The following ANO4 variants were observed in gnomAD, a reference collection of about 807,000 sequenced individuals.
ANO4 encodes the protein anoctamin 4.
Under a neutral mutation model 141.9 loss-of-function variants are expected in ANO4, and 69 were observed. The observed-to-expected ratio is 0.49, with a 90% CI of 0.40 to 0.59. ANO4 has a LOEUF of 0.59. Among genes scored for constraint, ANO4 ranks in the 20% least tolerant of loss-of-function variants. The pLI, the probability that ANO4 is intolerant of heterozygous loss-of-function variation, is 0.00. For synonymous variants in ANO4, 350 were observed against 394.3 expected (o/e 0.89, Z 1.33); for missense variants, 894 against 1,162.2 (o/e 0.77, Z 3.36).
Position 101,058,688 on chromosome 12 carries a change from C to T in ANO4, c.1312+10287C>T, listed in dbSNP as rs141337797. ...TATCTGTTCTTGGTGTATAAGAATG[C>T]TTGTGATTTTTGCACATTGATTTTG... On this transcript the variant is annotated intron_variant, in intron 14 of 27. Coordinates refer to ENST00000392977, the MANE Select transcript of ANO4 (RefSeq NM_001286615.2). Among the ~76,000 whole-genome samples, 847 of 152,208 alleles carry T rather than the reference C, an allele frequency of 5.6e-3. 13 individuals carry two copies. The highest frequency in any genetic ancestry group is 0.02 in the African/African-American group (815 of 41,542).
At chr12:101,123,472 C>G (rs2051179227) in intron 26 of ANO4, among the ~76,000 whole-genome samples, 1 of 150,896 alleles carries the variant, frequency 6.6e-6, no homozygotes, top group South Asian at 2.1e-4. Context: ...TCCCTTCCCC[C>G]ACCCCCACCC....
intron 14 of ANO4, among the ~76,000 whole-genome samples, chr12:101,051,892 G>C (rs1444249467): frequency 6.6e-6 from 1 of 152,172 alleles, no homozygotes; most frequent in Admixed American, 6.5e-5. Flanking sequence ...CCTGCTTTGA[G>C]ACAGTAATGT....
At chr12:100,938,334 T>C (rs2042369846) in intron 3 of ANO4, among the ~76,000 whole-genome samples, 1 of 152,228 alleles carries the variant, frequency 6.6e-6, no homozygotes, top group African/African-American at 2.4e-5. Context: ...CAAGGTGCAA[T>C]CATCACACAG....
intron 8 of ANO4, among the ~76,000 whole-genome samples, chr12:100,992,145 T>G (rs1476559920): frequency 6.6e-6 from 1 of 152,274 alleles, no homozygotes; most frequent in Non-Finnish European, 1.5e-5. Flanking sequence ...TCCCTGGTTT[T>G]ACTCTTGTCA....
intron 1 of ANO4, among the ~76,000 whole-genome samples, chr12:100,874,247 C>T (rs2039182780): frequency 6.6e-6 from 1 of 152,204 alleles, no homozygotes; most frequent in Admixed American, 6.5e-5. Flanking sequence ...ACACAGAGTC[C>T]TTCACTGGGG....
At chr12:100,959,761 G>T (rs1482524096) in intron 5 of ANO4, among the ~76,000 whole-genome samples, 1 of 151,992 alleles carries the variant, frequency 6.6e-6, no homozygotes, top group Non-Finnish European at 1.5e-5. Flanking sequence ...AATCCCCTTT[G>T]CTCACCTTCT....
intron 1 of ANO4, among the ~76,000 whole-genome samples, chr12:100,833,030 A>T (rs1231377624): frequency 6.6e-6 from 1 of 152,148 alleles, no homozygotes; most frequent in Non-Finnish European, 1.5e-5. Context: ...AAGTAAAATA[A>T]GCATATTTAA....
At chr12:100,779,812 A>C (rs1056630362) in intron 3 of ANO4, among the ~76,000 whole-genome samples, 4 of 152,150 alleles carry the variant, frequency 2.6e-5, no homozygotes, top group Admixed American at 6.5e-5. Flanking sequence ...GGCACATAGT[A>C]GGTGCTTGCC....
intron 9 of ANO4, among the ~76,000 whole-genome samples, chr12:101,025,634 G>A (rs997977643): frequency 3.9e-5 from 6 of 152,310 alleles, no homozygotes; most frequent in Admixed American, 1.3e-4. Context: ...AATTCACAGA[G>A]CAGTGAGGAG....
rs185990734 is a variant in ANO4, at chr12:100,720,725, C to T, written c.22+3178C>T. ...ATGACCCCATGTGCAGAGTCAGTCT[C>T]GTAGTGGGAGACCTGTAAACTGGAG... On this transcript the variant is annotated intron_variant, in intron 1 of 29. Transcript: ENST00000644049. Among the ~76,000 whole-genome samples the T allele has an allele frequency of 4.5e-3, 682 of 152,206 alleles. 3 individuals are homozygous for T. Among genetic ancestry groups the T allele is most frequent in the Middle Eastern group, 0.01 (3 of 294 alleles).
intron 13 of ANO4, among the ~76,000 whole-genome samples, chr12:101,044,048 T>G (rs1480938479): frequency 2.0e-5 from 3 of 152,214 alleles, no homozygotes; most frequent in Non-Finnish European, 4.4e-5. Context: ...TAGTGCTTGG[T>G]AAATAGACCT....
chr12:100,982,635 A>G (rs181333090), intron 7 of ANO4, among the ~76,000 whole-genome samples: 14 of 152,320 alleles, frequency 9.2e-5, no homozygotes, highest in African/African-American at 2.6e-4. Context: ...CTTGATATCC[A>G]TGATCATGTT....
rs74989105 is a variant in ANO4 at position 100,984,821 on chromosome 12, C to T, written c.603-2718C>T. Among the ~76,000 whole-genome samples, 1,323 of 152,312 alleles carry T rather than the reference C, an allele frequency of 8.7e-3. 14 individuals are homozygous for T. The highest frequency in any genetic ancestry group is 0.014 in the Middle Eastern group (4 of 294). On this transcript the variant is annotated intron_variant, in intron 7 of 27. Coordinates refer to ENST00000392977, the MANE Select transcript of ANO4 (RefSeq NM_001286615.2). ...CATTTTAATTACCCTGTTCTACTCT[C>T]TTTTCATCATCTCCACATTTCAATT...
chr12:100,818,288 C>T (rs959337398), intron 1 of ANO4, among the ~76,000 whole-genome samples: 6 of 151,806 alleles, frequency 4.0e-5, no homozygotes, highest in African/African-American at 1.2e-4. Flanking sequence ...GACCATTGTT[C>T]TAAAGATTAG....
intron 3 of ANO4, among the ~76,000 whole-genome samples, chr12:100,783,024 A>C (rs1565872723): frequency 1.3e-5 from 2 of 152,194 alleles, no homozygotes; most frequent in Non-Finnish European, 1.5e-5. Flanking sequence ...CTGAATCCTC[A>C]CAGTGGCTCC....
At chr12:101,077,286 TG>T (rs2049059975) in intron 14 of ANO4, among the ~76,000 whole-genome samples, 1 of 152,182 alleles carries the variant, frequency 6.6e-6, no homozygotes, top group Admixed American at 6.5e-5. Context: ...CTTGGAAGCT[TG>T]TCCTGTTTCC....
intron 15 of ANO4, among the ~76,000 whole-genome samples, chr12:101,079,887 T>C (rs749056392): frequency 6.6e-5 from 10 of 152,184 alleles, no homozygotes; most frequent in Non-Finnish European, 1.5e-4. Context: ...TCCTGACCTG[T>C]CTTGTTCTAA....
chr12:101,023,572 G>C (rs1017249186), intron 9 of ANO4, among the ~76,000 whole-genome samples: 2 of 152,216 alleles, frequency 1.3e-5, no homozygotes, highest in African/African-American at 4.8e-5. Flanking sequence ...TCAGGAGGCT[G>C]AGATGGGAGG....
chr12:100,947,787 T>A (rs1037267267), intron 5 of ANO4, among the ~76,000 whole-genome samples: 3 of 152,176 alleles, frequency 2.0e-5, no homozygotes, highest in Non-Finnish European at 4.4e-5. Context: ...CCAGACAACA[T>A]AAGTAGTAAG....
Sources: allele counts gnomAD v4.1 joint callset (sites outside exome capture counted in the v4.1 genomes callset), GRCh38; gene constraint gnomAD v4.1.1; transcripts MANE v1.5; gene names NCBI Gene and HGNC (gene_info 2026-07-23, HGNC 2026-07-21).